The following PTPRG variants were observed in gnomAD, a reference collection of about 807,000 sequenced individuals.
PTPRG encodes the protein receptor-type tyrosine-protein phosphatase gamma.
Under a neutral mutation model 165.3 loss-of-function variants are expected in PTPRG, and 102 were observed. The observed-to-expected ratio is 0.62, with a 90% confidence interval of 0.53 to 0.73. The LOEUF (loss-of-function observed/expected upper bound fraction) is 0.73. Ranked by LOEUF, PTPRG falls within the 30% of genes least tolerant of loss-of-function variation. The pLI is 0.00. For missense variants in PTPRG, 1,866 were observed against 1,861.4 expected, an observed-to-expected ratio of 1.00 and a Z score of -0.05; for synonymous variants, 675 against 669.5, an observed-to-expected ratio of 1.01 and a Z score of -0.13.
At chr3:62,081,979 A>T (rs533967251) in intron 5 of PTPRG, among the ~76,000 whole-genome samples, 4 of 152,060 alleles carry the variant, frequency 2.6e-5, no homozygotes, top group Non-Finnish European at 5.9e-5. Context: ...GTGCACTAGA[A>T]CCTCACTGTC....
At position 62,157,076 on chromosome 3, in the gene PTPRG, C is replaced by A. The variant is rs1463225452; in HGVS notation, c.692C>A (p.Thr231Asn). The part of the protein sequence containing the change: ...LKGVVHHEKE[T>N]FLDPFVLRDL... ...CTTTTTCCCCAAACAGAGAAGGAGACCTTTCTGGATCCTTTCGTCCTCCGG... is the reference window on the plus strand; with the variant it reads ...CTTTTTCCCCAAACAGAGAAGGAGAACTTTCTGGATCCTTTCGTCCTCCGG... Residue 231 changes from threonine to asparagine, a missense_variant, in exon 7 of 30, where the codon ACC (threonine) becomes AAC (asparagine). Around this residue, in one of 3 missense-constraint regions of PTPRG, gnomAD observed 408 missense variants for 376.2 expected, o/e 1.08. Coordinates refer to ENST00000474889, the MANE Select transcript of PTPRG (RefSeq NM_002841.4). 8.1e-6 allele frequency: 13 copies of A among 1,604,244 alleles called. No individual in the cohort carries two copies. In the East Asian group the frequency reaches 1.8e-4, roughly 22 times the overall value.
At chr3:62,289,087 T>C (rs1240607816) in intron 28 of PTPRG, among the ~76,000 whole-genome samples, 1 of 152,220 alleles carries the variant, frequency 6.6e-6, no homozygotes, top group Non-Finnish European at 1.5e-5. Context: ...CTGAGCCATT[T>C]ACAAGTATCA....
chr3:62,154,385 A>G (rs1359462061), intron 6 of PTPRG, among the ~76,000 whole-genome samples: 1 of 152,168 alleles, frequency 6.6e-6, no homozygotes, highest in Non-Finnish European at 1.5e-5. Flanking sequence ...GCTGATCAGC[A>G]AAAACCAGAG....
Position 61,673,621 on chromosome 3 carries a change from C to A in PTPRG, c.86-75257C>A, listed in dbSNP as rs142803656. Among the ~76,000 whole-genome samples, 201 of 152,282 alleles carry A rather than the reference C, an allele frequency of 1.3e-3. 1 individual carries two copies. The highest frequency in any genetic ancestry group is 4.6e-3 in the African/African-American group (190 of 41,548). On this transcript the variant is annotated intron_variant, in intron 1 of 29. Transcript: ENST00000474889. Reference sequence around the variant, plus strand: ...TTATTACTGTTTGTATAAATCTATGCAAGTACAAGTGCAATTGTGTTACAT... The same window carrying A: ...TTATTACTGTTTGTATAAATCTATGAAAGTACAAGTGCAATTGTGTTACAT...
intron 1 of PTPRG, among the ~76,000 whole-genome samples, chr3:61,705,935 C>T (rs1395360636): frequency 6.6e-6 from 1 of 152,186 alleles, no homozygotes; most frequent in Non-Finnish European, 1.5e-5. Context: ...CCGATTTCCC[C>T]TAAGATGTTG....
At chr3:62,154,739 T>C (rs1431434541) in intron 6 of PTPRG, among the ~76,000 whole-genome samples, 1 of 152,130 alleles carries the variant, frequency 6.6e-6, no homozygotes, top group East Asian at 1.9e-4. Context: ...TGGACTCGGC[T>C]CTGAGGGGAA....
At chr3:61,731,946 C>T (rs772720558) in intron 1 of PTPRG, among the ~76,000 whole-genome samples, 2 of 151,900 alleles carry the variant, frequency 1.3e-5, no homozygotes, top group African/African-American at 4.8e-5. Context: ...GTATTACAGG[C>T]GCCCACTACC....
chr3:61,842,628 T>C (rs1281011720), intron 2 of PTPRG, among the ~76,000 whole-genome samples: 3 of 148,826 alleles, frequency 2.0e-5, no homozygotes, highest in Admixed American at 6.8e-5. Context: ...TCCTTTTTTC[T>C]GGATGACACA....
At chr3:61,825,709 A>G (rs1327720993) in intron 2 of PTPRG, among the ~76,000 whole-genome samples, 3 of 151,600 alleles carry the variant, frequency 2.0e-5, no homozygotes, top group African/African-American at 4.8e-5. Context: ...TAGAGATAGG[A>G]TCACAGCTCA....
At chr3:62,013,795 C>A (rs188048162) in intron 4 of PTPRG, among the ~76,000 whole-genome samples, 84 of 146,144 alleles carry the variant, frequency 5.7e-4, no homozygotes, top group Admixed American at 1.9e-3. Flanking sequence ...TTTTTTTCTT[C>A]TTCTTTATAA....
chr3:61,661,075 T>A (rs1272361910), intron 1 of PTPRG, among the ~76,000 whole-genome samples: 21 of 149,550 alleles, frequency 1.4e-4, no homozygotes, highest in South Asian at 4.2e-4. Flanking sequence ...ATTAAAAATT[T>A]TTTTTTTTTC....
At chr3:61,984,370 C>T (rs1223912983) in intron 2 of PTPRG, among the ~76,000 whole-genome samples, 3 of 151,916 alleles carry the variant, frequency 2.0e-5, no homozygotes, top group African/African-American at 7.3e-5. Flanking sequence ...TTTTCTTTAC[C>T]GTAGTCTCTT....
chr3:62,035,053 G>T (rs1162741894), intron 4 of PTPRG, among the ~76,000 whole-genome samples: 1 of 152,094 alleles, frequency 6.6e-6, no homozygotes, highest in Non-Finnish European at 1.5e-5. Flanking sequence ...CAGACCTCCA[G>T]GCCTCTGAGC....
At chr3:61,570,851 C>A (rs912955898) in intron 1 of PTPRG, among the ~76,000 whole-genome samples, 3 of 152,128 alleles carry the variant, frequency 2.0e-5, no homozygotes, top group Admixed American at 6.5e-5. Flanking sequence ...TTTCCAGAAG[C>A]GTTTCTCTTC....
intron 1 of PTPRG, among the ~76,000 whole-genome samples, chr3:61,596,907 C>T (rs1700715930): frequency 6.6e-6 from 1 of 151,904 alleles, no homozygotes; most frequent in African/African-American, 2.4e-5. Flanking sequence ...ATGTCTTAGT[C>T]CATTTTGTGC....
intron 1 of PTPRG, among the ~76,000 whole-genome samples, chr3:61,701,273 G>A (rs1314446466): frequency 6.6e-6 from 1 of 152,098 alleles, no homozygotes; most frequent in Non-Finnish European, 1.5e-5. Context: ...ATAGCTGTGT[G>A]ATACTTCTCA....
At chr3:61,595,233 G>T (rs544676834) in intron 1 of PTPRG, among the ~76,000 whole-genome samples, 14 of 150,944 alleles carry the variant, frequency 9.3e-5, no homozygotes, top group African/African-American at 3.4e-4. Context: ...TTAATTGTCT[G>T]TGTTCGCTGG....
chr3:61,722,372 A>C (rs183832513), intron 1 of PTPRG, among the ~76,000 whole-genome samples: 10 of 152,300 alleles, frequency 6.6e-5, no homozygotes, highest in Admixed American at 5.9e-4. Flanking sequence ...CCACTGCATT[A>C]GGGATCAAGT....
chr3:62,043,478 G>C (rs181962950), intron 4 of PTPRG, among the ~76,000 whole-genome samples: 1 of 152,130 alleles, frequency 6.6e-6, no homozygotes, highest in Non-Finnish European at 1.5e-5. Context: ...ACCTTTATGC[G>C]ATCAGTTTAG....
Sources: gnomAD v4.1 joint callset for allele counts (sites outside exome capture counted in the v4.1 genomes callset) on GRCh38, gnomAD v4.1.1 for gene constraint, gnomAD v4.1.1 regional missense constraint, MANE v1.5 for transcripts, NCBI Gene and HGNC (gene_info 2026-07-23, HGNC 2026-07-21) for gene names.